The following FOXP1 variants were observed in gnomAD, a reference collection of about 807,000 sequenced individuals.
FOXP1 encodes the protein forkhead box P1, also known as forkhead box protein P1.
In FOXP1, 15 loss-of-function variants were observed where a neutral mutation model predicts 98.2. The ratio of observed to expected loss-of-function variants is 0.15; its 90% CI spans 0.10 to 0.24. FOXP1 has a LOEUF of 0.24. Among genes scored for constraint, FOXP1 ranks in the 10% least tolerant of loss-of-function variants. The pLI, the probability that FOXP1 is intolerant of heterozygous loss-of-function variation, is 1.00. For missense variants in FOXP1, 633 were observed against 848.5 expected, an observed-to-expected ratio of 0.75 and a Z score of 3.15; for synonymous variants, 371 against 314.5, an observed-to-expected ratio of 1.18 and a Z score of -1.90.
At chr3:71,387,425 A>G (rs929792772) in intron 3 of FOXP1, among the ~76,000 whole-genome samples, 3 of 152,236 alleles carry the variant, frequency 2.0e-5, no homozygotes, top group Non-Finnish European at 4.4e-5. Context: ...TACAATTGGA[A>G]TAATTAAGGA....
At chr3:71,073,250 T>G (rs2053463425) in intron 7 of FOXP1, among the ~76,000 whole-genome samples, 1 of 152,188 alleles carries the variant, frequency 6.6e-6, no homozygotes, top group South Asian at 2.1e-4. Context: ...GGTTAACTGT[T>G]CTCTGACACC....
chr3:71,090,784 T>C (rs2055726424), intron 7 of FOXP1, among the ~76,000 whole-genome samples: 1 of 152,068 alleles, frequency 6.6e-6, no homozygotes, highest in Non-Finnish European at 1.5e-5. Flanking sequence ...AAGTGAACAA[T>C]TCACTGTAGA....
chr3:71,477,963 A>T (rs546970643), intron 3 of FOXP1, among the ~76,000 whole-genome samples: 1 of 152,324 alleles, frequency 6.6e-6, no homozygotes, highest in Non-Finnish European at 1.5e-5. Context: ...TCCCATTTTC[A>T]CTTTGGATTC....
chr3:71,241,916 G>A (rs1223922133), intron 5 of FOXP1, among the ~76,000 whole-genome samples: 2 of 152,186 alleles, frequency 1.3e-5, no homozygotes, highest in African/African-American at 4.8e-5. Context: ...TGTTTTAGAA[G>A]AGAGGAAGAT....
intron 7 of FOXP1, among the ~76,000 whole-genome samples, chr3:71,074,067 C>T (rs1018629157): frequency 7.9e-5 from 12 of 152,136 alleles, no homozygotes; most frequent in African/African-American, 2.4e-4. Context: ...AGGCTTGGTG[C>T]CTGGTAACAA....
chr3:71,121,921 CT>C (rs2058806206), intron 6 of FOXP1, among the ~76,000 whole-genome samples: 2 of 147,236 alleles, frequency 1.4e-5, no homozygotes. Flanking sequence ...TCAAAAGGCT[CT>C]ATTAACTCAC....
At chr3:71,065,319 T>C (rs2052334157) in intron 7 of FOXP1, among the ~76,000 whole-genome samples, 1 of 152,102 alleles carries the variant, frequency 6.6e-6, no homozygotes, top group South Asian at 2.1e-4. Flanking sequence ...CAAAGAGTTG[T>C]CCTAACCTTT....
intron 5 of FOXP1, among the ~76,000 whole-genome samples, chr3:71,271,674 T>C (rs1365052525): frequency 6.6e-6 from 1 of 152,240 alleles, no homozygotes; most frequent in Non-Finnish European, 1.5e-5. Flanking sequence ...GGGGCTATGT[T>C]CCACATGTGA....
intron 4 of FOXP1, among the ~76,000 whole-genome samples, chr3:71,300,494 A>G (rs1032150026): frequency 6.6e-6 from 1 of 152,152 alleles, no homozygotes; most frequent in Non-Finnish European, 1.5e-5. Flanking sequence ...TGTCACATGA[A>G]ACAAACAATT....
chr3:71,312,165 C>T (rs758599261), intron 4 of FOXP1, among the ~76,000 whole-genome samples: 4 of 152,132 alleles, frequency 2.6e-5, no homozygotes, highest in Non-Finnish European at 5.9e-5. Context: ...CAAGGGTGTA[C>T]GCATATGCTG....
intron 3 of FOXP1, among the ~76,000 whole-genome samples, chr3:71,404,380 G>C (rs112945520): frequency 0.16 from 23,509 of 150,748 alleles, 2,198 homozygotes; most frequent in South Asian, 0.21. Flanking sequence ...GCCCACCTCA[G>C]TCTCCCAAAG....
chr3:71,149,424 TAAGA>T (rs1341001851), intron 6 of FOXP1, among the ~76,000 whole-genome samples: 1 of 152,232 alleles, frequency 6.6e-6, no homozygotes, highest in African/African-American at 2.4e-5. Flanking sequence ...AGACATGGGA[TAAGA>T]AAGCATTATG....
At chr3:71,303,778 A>C (rs1358053235) in intron 4 of FOXP1, among the ~76,000 whole-genome samples, 1 of 151,990 alleles carries the variant, frequency 6.6e-6, no homozygotes, top group Non-Finnish European at 1.5e-5. Context: ...ATGAAGAAAG[A>C]AAAGAAGAAA....
chr3:70,971,636 G>A lies in FOXP1; in HGVS notation c.1653-831C>T, dbSNP rs1011742076. The A allele has an allele frequency of 2.4e-5, 4 of 167,166 alleles. No homozygotes were observed. In the Admixed American group the frequency reaches 2.5e-4, roughly 11 times the overall value. The allele number at this position is 167,166 out of a possible 1,614,324, so 10.4% of individuals were successfully genotyped here. Reference sequence around the variant, plus strand: ...TTCATTACATTTGTATTATTATAGTGAGTGAACAAATAAGAAATCTACCCC... The same window carrying A: ...TTCATTACATTTGTATTATTATAGTAAGTGAACAAATAAGAAATCTACCCC... On this transcript the variant is annotated intron_variant, in intron 18 of 20. Coordinates refer to ENST00000649528, the MANE Select transcript of FOXP1 (RefSeq NM_001349338.3).
At chr3:71,015,465 C>G in intron 12 of FOXP1, 84 bp downstream of exon 12, 1 of 920,398 alleles carries the variant, frequency 1.1e-6, no homozygotes, top group Non-Finnish European at 1.7e-6. Flanking sequence ...AACTCTCCAT[C>G]AAAAAGGCAT....
chr3:71,269,095 T>G (rs1374480695), intron 5 of FOXP1, among the ~76,000 whole-genome samples: 1 of 140,762 alleles, frequency 7.1e-6, no homozygotes, highest in Non-Finnish European at 1.6e-5. Context: ...TGGGGTTTTT[T>G]TTGTTTTTTT....
At chr3:70,964,841 G>A (rs1319890664) in intron 20 of FOXP1, among the ~76,000 whole-genome samples, 3 of 152,120 alleles carry the variant, frequency 2.0e-5, no homozygotes, top group East Asian at 3.9e-4. Context: ...AGATTTCCAC[G>A]TACCCTCCAA....
chr3:71,246,791 C>A (rs773247208), intron 5 of FOXP1, among the ~76,000 whole-genome samples: 1 of 152,200 alleles, frequency 6.6e-6, no homozygotes, highest in Non-Finnish European at 1.5e-5. Context: ...AATAATAACT[C>A]GTCTCCGTCA....
intron 5 of FOXP1, among the ~76,000 whole-genome samples, chr3:71,211,196 T>G (rs1427640036): frequency 6.6e-6 from 1 of 152,120 alleles, no homozygotes; most frequent in Non-Finnish European, 1.5e-5. Context: ...TAACCCACAT[T>G]TAGTTCTATT....
Sources: allele counts gnomAD v4.1 joint callset (sites outside exome capture counted in the v4.1 genomes callset), GRCh38; gene constraint gnomAD v4.1.1; transcripts MANE v1.5; gene names NCBI Gene and HGNC (gene_info 2026-07-23, HGNC 2026-07-21).